Variants in TRPC5 observed in about 807,000 individuals in gnomAD.
TRPC5 encodes transient receptor potential cation channel subfamily C member 5, also known as short transient receptor potential channel 5.
TRPC5 carries 9 observed loss-of-function variants against 56.5 expected under a neutral mutation model. That is an observed-to-expected ratio of 0.16 (90% CI 0.10 to 0.28). TRPC5 has a LOEUF of 0.28. TRPC5 is among the 10% of genes least tolerant of loss of function. The probability of loss-of-function intolerance (pLI) is 1.00; values close to 1 mark genes in which losing one functional copy is unlikely to be tolerated. For missense variants in TRPC5, 469 were observed against 748.9 expected, an observed-to-expected ratio of 0.63 and a Z score of 4.36; for synonymous variants, 282 against 278.5, an observed-to-expected ratio of 1.01 and a Z score of -0.13.
Position 111,782,445 on chromosome X carries a change from G to A in TRPC5, c.1897-307C>T, listed in dbSNP as rs183630230. 9.9e-5 allele frequency among the ~76,000 whole-genome samples: 11 copies of A among 110,996 alleles called. No individual in the cohort carries two copies. The East Asian group carries it at 3.1e-3, about 31-fold the overall frequency. On this transcript the variant is annotated intron_variant, in intron 7 of 10. Coordinates refer to ENST00000262839, the MANE Select transcript of TRPC5 (RefSeq NM_012471.3). ...TAAATGGTGTTACATCTACAAAATG[G>A]TATAAAATATAACTACTAATATATG...
intron 2 of TRPC5, among the ~76,000 whole-genome samples, chrX:111,947,336 T>A (rs868727036): frequency 1.8e-5 from 2 of 110,964 alleles, no homozygotes; most frequent in Admixed American, 1.9e-4. Context: ...TTTTTCTTTT[T>A]TATTTATTTA....
intron 1 of TRPC5, among the ~76,000 whole-genome samples, chrX:112,032,990 A>T (rs1929625830): frequency 9.1e-6 from 1 of 109,604 alleles, no homozygotes; most frequent in African/African-American, 3.3e-5. Flanking sequence ...TCAATGATAG[A>T]CTGGATTAAG....
intron 1 of TRPC5, among the ~76,000 whole-genome samples, chrX:111,969,390 C>T (rs1295931900): frequency 1.8e-5 from 2 of 111,973 alleles, no homozygotes; most frequent in Middle Eastern, 4.6e-3. Flanking sequence ...TCAATACCTC[C>T]GAGGTATGCT....
intron 7 of TRPC5, among the ~76,000 whole-genome samples, chrX:111,785,875 A>G (rs1308572957): frequency 8.9e-6 from 1 of 111,804 alleles, no homozygotes; most frequent in Non-Finnish European, 1.9e-5. Flanking sequence ...AAAAAGAGTA[A>G]AAAGAAATGA....
intron 6 of TRPC5, among the ~76,000 whole-genome samples, chrX:111,840,853 A>G (rs1222660766): frequency 8.9e-6 from 1 of 112,678 alleles, no homozygotes; most frequent in African/African-American, 3.2e-5. Context: ...TAGACTATGA[A>G]CTTCTTAAAG....
rs139491318 is a variant in TRPC5, at chrX:111,853,358, G to T, written c.1237+412C>A. On this transcript the variant is annotated intron_variant, in intron 4 of 10. Transcript: ENST00000262839. ...CAAATAGGATGTAGACCCTGAACAA[G>T]AACTGGGTCGTGTGGAGTAGCCATG... Among the ~76,000 whole-genome samples, 821 of 111,778 alleles carry T rather than the reference G, an allele frequency of 7.3e-3. 5 individuals are homozygous for T. Among genetic ancestry groups the T allele is most frequent in the African/African-American group, 0.025 (771 of 30,726 alleles).
At chrX:111,794,542 A>AGAG (rs763380021) in intron 7 of TRPC5, among the ~76,000 whole-genome samples, 1 of 111,719 alleles carries the variant, frequency 9.0e-6, no homozygotes, top group East Asian at 2.8e-4. Flanking sequence ...TAAGTATTTC[A>AGAG]TTTTCTTTGC....
chrX:111,925,778 G>A (rs189006192), intron 2 of TRPC5, among the ~76,000 whole-genome samples: 8 of 111,727 alleles, frequency 7.2e-5, no homozygotes, highest in African/African-American at 2.0e-4. Context: ...ACATTGAACC[G>A]AATTCCCAGG....
At chrX:111,975,462 A>G (rs1465118065) in intron 1 of TRPC5, among the ~76,000 whole-genome samples, 5 of 110,898 alleles carry the variant, frequency 4.5e-5, no homozygotes, top group Non-Finnish European at 7.5e-5. Context: ...GTTCTAGGGT[A>G]CATGTGCACA....
At position 111,843,873 on chromosome X, in the gene TRPC5, AGTGTGTGTGTGTGTGTGT is replaced by A. The variant is rs547330564; in HGVS notation, c.1700+3223_1700+3240del. On this transcript the variant is annotated intron_variant, in intron 6 of 10. Transcript: ENST00000262839. ...AGGCCTGAACCAAGACAGTGGGATG[AGTGTGTGTGTGTGTGTGT>A]GTGTGTGTGTGTGTGTGTGTGTGTG... 9.9e-3 allele frequency among the ~76,000 whole-genome samples: 717 copies of A among 72,603 alleles called. 9 individuals carry two copies. Among genetic ancestry groups the A allele is most frequent in the African/African-American group, 0.038 (682 of 17,958 alleles). 63.0% of individuals were successfully genotyped at this position (72,603 alleles called of 115,157 possible).
At chrX:111,902,678 T>C (rs1215855964) in intron 3 of TRPC5, 3 of 112,306 alleles carry the variant, frequency 2.7e-5, no homozygotes, top group Admixed American at 9.5e-5. Context: ...ACTTATCCTT[T>C]AAGAAAGCAT....
At chrX:111,996,827 T>C (rs1928549547) in intron 1 of TRPC5, among the ~76,000 whole-genome samples, 1 of 111,406 alleles carries the variant, frequency 9.0e-6, no homozygotes, top group South Asian at 3.8e-4. Flanking sequence ...TTGTTTTGTT[T>C]TGTTTTGTTT....
chrX:111,948,199 A>G (rs775645866), intron 2 of TRPC5, among the ~76,000 whole-genome samples: 1 of 110,166 alleles, frequency 9.1e-6, no homozygotes, highest in Non-Finnish European at 1.9e-5. Flanking sequence ...TTTTGTCCCT[A>G]CTATGTGCAG....
chrX:111,908,317 C>A (rs1482289838), intron 3 of TRPC5, among the ~76,000 whole-genome samples: 1 of 111,484 alleles, frequency 9.0e-6, no homozygotes, highest in Non-Finnish European at 1.9e-5. Flanking sequence ...TATGATTTCT[C>A]AAGCCTGCCT....
chrX:111,991,565 G>T (rs1386152269), intron 1 of TRPC5, among the ~76,000 whole-genome samples: 1 of 111,503 alleles, frequency 9.0e-6, no homozygotes, highest in Non-Finnish European at 1.9e-5. Flanking sequence ...TTAACGTTTG[G>T]GTGGAGGACA....
chrX:111,914,412 T>C (rs763744417), intron 2 of TRPC5, among the ~76,000 whole-genome samples: 1 of 112,255 alleles, frequency 8.9e-6, no homozygotes, highest in East Asian at 2.8e-4. Context: ...CCACAGTTAC[T>C]GGCGAACTGA....
rs535318081 is a variant in TRPC5 at position 111,790,825 on chromosome X, G to A, written c.1897-8687C>T. Among the ~76,000 whole-genome samples, 20 of 109,510 alleles carry A rather than the reference G, an allele frequency of 1.8e-4. No individual in the cohort carries two copies. In the South Asian group the frequency reaches 8.1e-3, roughly 44 times the overall value. On this transcript the variant is annotated intron_variant, in intron 7 of 10. Transcript: ENST00000262839. ...AGTTGAGGCCAAGAGTTCAAGACCA[G>A]CTTTGCCAACATGGTGAAACCCCAT...
intron 3 of TRPC5, among the ~76,000 whole-genome samples, chrX:111,882,345 G>T (rs1008881231): frequency 8.9e-6 from 1 of 112,313 alleles, no homozygotes; most frequent in African/African-American, 3.2e-5. Flanking sequence ...TTGCAGTATG[G>T]TAAGGTAGGG....
chrX:111,924,469 A>T (rs66980176), intron 2 of TRPC5, among the ~76,000 whole-genome samples: 11,263 of 102,566 alleles, frequency 0.11, 880 homozygotes, highest in African/African-American at 0.28. Flanking sequence ...AGAGGCCTTT[A>T]AAAAAAAAAA....
Sources: allele counts gnomAD v4.1 joint callset (sites outside exome capture counted in the v4.1 genomes callset), GRCh38; gene constraint gnomAD v4.1.1; transcripts MANE v1.5; gene names NCBI Gene and HGNC (gene_info 2026-07-23, HGNC 2026-07-21).